JAZF1: variants seen among roughly 807,000 people sequenced by gnomAD.
JAZF1 encodes the protein juxtaposed with another zinc finger protein 1.
A neutral mutation model predicts 26.4 loss-of-function variants in JAZF1; 8 were observed. The ratio of observed to expected loss-of-function variants is 0.30; its 90% CI spans 0.18 to 0.55. JAZF1 has a LOEUF of 0.55. JAZF1 is among the 20% of genes least tolerant of loss of function. The pLI, the probability that JAZF1 is intolerant of heterozygous loss-of-function variation, is 0.94. For synonymous variants in JAZF1, 126 were observed against 122.3 expected (o/e 1.03, Z -0.20); for missense variants, 199 against 322.0 (o/e 0.62, Z 2.92).
intron 2 of JAZF1, among the ~76,000 whole-genome samples, chr7:27,902,781 C>T (rs908047571): frequency 6.6e-5 from 10 of 152,150 alleles, no homozygotes; most frequent in Non-Finnish European, 1.3e-4. Context: ...CTTTGGGAGG[C>T]CGAGATGGGC....
intron 2 of JAZF1, among the ~76,000 whole-genome samples, chr7:27,911,535 G>A (rs1406404107): frequency 6.6e-6 from 1 of 152,188 alleles, no homozygotes; most frequent in African/African-American, 2.4e-5. Context: ...GGCTAGTACA[G>A]CCAAGGAATG....
At chr7:28,011,507 G>A (rs926991560) in intron 1 of JAZF1, among the ~76,000 whole-genome samples, 6 of 152,168 alleles carry the variant, frequency 3.9e-5, no homozygotes, top group African/African-American at 1.4e-4. Context: ...TTACAAGTGA[G>A]GAGGAAGAAA....
intron 2 of JAZF1, among the ~76,000 whole-genome samples, chr7:27,956,094 A>G (rs1464978076): frequency 6.6e-6 from 1 of 152,192 alleles, no homozygotes; most frequent in Non-Finnish European, 1.5e-5. Flanking sequence ...GCAGAGATGA[A>G]GTAGTGACAG....
chr7:28,058,885 A>T (rs1480656333), intron 1 of JAZF1, among the ~76,000 whole-genome samples: 4 of 152,158 alleles, frequency 2.6e-5, no homozygotes, highest in Non-Finnish European at 4.4e-5. Flanking sequence ...TGCCACTTCA[A>T]ATGTTGGATG....
At chr7:27,897,919 A>C (rs1784098534) in intron 2 of JAZF1, among the ~76,000 whole-genome samples, 2 of 152,208 alleles carry the variant, frequency 1.3e-5, no homozygotes, top group South Asian at 4.1e-4. Context: ...CAACCTAAGA[A>C]GGTGACTTGT....
chr7:27,926,589 C>T (rs924598127), intron 2 of JAZF1, among the ~76,000 whole-genome samples: 1 of 152,206 alleles, frequency 6.6e-6, no homozygotes, highest in Non-Finnish European at 1.5e-5. Context: ...TCATTCATTG[C>T]CTTCAACGTA....
rs545910133 is a variant in JAZF1 at position 27,987,552 on chromosome 7, T to C, written c.188+4357A>G. ...GCAGCCCCTGCCCGGCCAGCCGCCCTGTCCGGGAGGGAGGTGGGGGGCAGC... is the reference window on the plus strand; with the variant it reads ...GCAGCCCCTGCCCGGCCAGCCGCCCCGTCCGGGAGGGAGGTGGGGGGCAGC... On this transcript the variant is annotated intron_variant, in intron 2 of 4. Transcript: ENST00000283928. Among the ~76,000 whole-genome samples the C allele has an allele frequency of 1.0e-3, 152 of 150,298 alleles. 1 individual carries two copies. Among genetic ancestry groups the C allele is most frequent in the African/African-American group, 3.4e-3 (138 of 40,826 alleles).
rs150186310 is a variant in JAZF1, at chr7:27,991,069, C to T, written c.188+840G>A. On this transcript the variant is annotated intron_variant, in intron 2 of 4. Transcript: ENST00000283928. ...TTTCTAAAAAGGCACTCAAATGAAA[C>T]AGTACAGGTAATTCATTCCCAGCTT... 8.8e-4 allele frequency among the ~76,000 whole-genome samples: 134 copies of T among 152,302 alleles called. 2 individuals carry two copies. The highest frequency in any genetic ancestry group is 3.1e-3 in the African/African-American group (128 of 41,576).
chr7:28,160,186 GA>G (rs1783261930), intron 1 of JAZF1, among the ~76,000 whole-genome samples: 1 of 151,684 alleles, frequency 6.6e-6, no homozygotes, highest in African/African-American at 2.4e-5. Context: ...ATGGGAATAG[GA>G]AAAAAATGTC....
intron 1 of JAZF1, among the ~76,000 whole-genome samples, chr7:28,095,104 C>T (rs890741354): frequency 2.6e-5 from 4 of 152,196 alleles, no homozygotes; most frequent in East Asian, 1.9e-4. Context: ...CAAGGCTCCA[C>T]GCAACCTCTC....
chr7:27,853,862 T>C (rs911530266), intron 3 of JAZF1, among the ~76,000 whole-genome samples: 27 of 152,182 alleles, frequency 1.8e-4, no homozygotes, highest in African/African-American at 6.0e-4. Flanking sequence ...TGATTTGGGG[T>C]GAAGAGTTCT....
At chr7:27,931,392 G>A (rs533605738) in intron 2 of JAZF1, among the ~76,000 whole-genome samples, 1 of 152,288 alleles carries the variant, frequency 6.6e-6, no homozygotes, top group Admixed American at 6.5e-5. Context: ...TTTAAAAGCT[G>A]TATCCTAAAA....
At chr7:28,178,840 C>G (rs1001816600) in intron 1 of JAZF1, among the ~76,000 whole-genome samples, 1 of 152,232 alleles carries the variant, frequency 6.6e-6, no homozygotes, top group Non-Finnish European at 1.5e-5. Flanking sequence ...CGCCTGAAAA[C>G]TTGAAAAGTT....
At chr7:27,991,847 G>A in intron 2 of JAZF1, 62 bp downstream of exon 2, 1 of 895,198 alleles carries the variant, frequency 1.1e-6, no homozygotes, top group Non-Finnish European at 1.8e-6. Flanking sequence ...AAAAAGATGT[G>A]TTTAAAAAGT....
At chr7:28,106,842 T>C (rs1267072402) in intron 1 of JAZF1, among the ~76,000 whole-genome samples, 1 of 152,192 alleles carries the variant, frequency 6.6e-6, no homozygotes, top group Non-Finnish European at 1.5e-5. Context: ...AGCATTCCAC[T>C]GACTTAGGAA....
chr7:27,982,623 T>C (rs1785609025), intron 2 of JAZF1, among the ~76,000 whole-genome samples: 1 of 152,104 alleles, frequency 6.6e-6, no homozygotes, highest in Non-Finnish European at 1.5e-5. Context: ...GGCACGGAGT[T>C]TGAAATCTGA....
In JAZF1 at chr7:28,056,754, TGC is replaced by T. The variant is rs1783719010; in HGVS notation, c.116-64775_116-64774del. Among the ~76,000 whole-genome samples the T allele has an allele frequency of 9.1e-5, 3 of 33,132 alleles. No homozygotes were observed. The African/African-American group carries it at 1.4e-3, about 15-fold the overall frequency. 21.7% of individuals were successfully genotyped at this position (33,132 alleles called of 152,430 possible). On this transcript the variant is annotated intron_variant, in intron 1 of 4. Transcript: ENST00000283928. ...TCTTCTTCATCCTAACAATTCCTGA[TGC>T]ACACACTCCTGTCCCCTGCTCCTGA...
intron 1 of JAZF1, among the ~76,000 whole-genome samples, chr7:28,137,438 G>A (rs1337831571): frequency 6.6e-6 from 1 of 152,028 alleles, no homozygotes; most frequent in Non-Finnish European, 1.5e-5. Context: ...ACAACCCTGC[G>A]GCATTCCAAA....
At chr7:27,999,116 T>G (rs1034540545) in intron 1 of JAZF1, among the ~76,000 whole-genome samples, 1 of 152,178 alleles carries the variant, frequency 6.6e-6, no homozygotes, top group Non-Finnish European at 1.5e-5. Context: ...GGCTGCAAGA[T>G]ATGCTTGTGA....
Sources: allele counts gnomAD v4.1 joint callset (sites outside exome capture counted in the v4.1 genomes callset), GRCh38; gene constraint gnomAD v4.1.1; transcripts MANE v1.5; gene names NCBI Gene and HGNC (gene_info 2026-07-23, HGNC 2026-07-21).